ADK: variants seen among roughly 807,000 people sequenced by gnomAD.
The protein encoded by ADK is N6,N6-dimethyladenosine kinase.
Under a neutral mutation model 44.7 loss-of-function variants are expected in ADK, and 24 were observed. The ratio of observed to expected loss-of-function variants is 0.54; its 90% confidence interval spans 0.39 to 0.76. The LOEUF is 0.76. ADK is among the 30% of genes least tolerant of loss of function. The probability of loss-of-function intolerance (pLI) is 0.00; values close to 1 mark genes in which losing one functional copy is unlikely to be tolerated. For synonymous variants in ADK, 128 were observed against 142.6 expected, an observed-to-expected ratio of 0.90 and a Z score of 0.73; for missense variants, 321 against 425.1, an observed-to-expected ratio of 0.76 and a Z score of 2.15.
At chr10:74,448,100 G>C (rs766837116) in intron 6 of ADK, among the ~76,000 whole-genome samples, 5 of 152,144 alleles carry the variant, frequency 3.3e-5, no homozygotes, top group African/African-American at 1.2e-4. Context: ...TTGAACCCTG[G>C]AGGCAGAGGC....
chr10:74,583,817 C>CTT (rs1309550342), intron 7 of ADK, among the ~76,000 whole-genome samples: 5 of 152,172 alleles, frequency 3.3e-5, no homozygotes, highest in Non-Finnish European at 7.3e-5. Flanking sequence ...TCTCATAAGA[C>CTT]TTTTAATAAA....
intron 9 of ADK, 52 bp from the exon 10 acceptor site, chr10:74,670,131 A>G (rs375624888): frequency 8.2e-5 from 112 of 1,368,730 alleles, no homozygotes; most frequent in Non-Finnish European, 1.1e-4. Flanking sequence ...GTGAGCTTGT[A>G]TTGAGTGTTA....
chr10:74,669,999 A>C (rs957313471), intron 9 of ADK, among the ~76,000 whole-genome samples, 184 bp from the exon 10 acceptor site: 1 of 152,222 alleles, frequency 6.6e-6, no homozygotes, highest in Admixed American at 6.5e-5. Flanking sequence ...AAAGTTACCA[A>C]AAAAGTATTA....
chr10:74,687,133 A>G (rs1855825115), intron 10 of ADK, among the ~76,000 whole-genome samples: 1 of 152,004 alleles, frequency 6.6e-6, no homozygotes, highest in African/African-American at 2.4e-5. Flanking sequence ...ACATATTATA[A>G]GAGGGGTCTC....
intron 9 of ADK, among the ~76,000 whole-genome samples, chr10:74,649,481 C>T (rs981459832): frequency 1.3e-5 from 2 of 151,866 alleles, no homozygotes; most frequent in Non-Finnish European, 2.9e-5. Context: ...AACAATTAGC[C>T]AGGTATGATG....
At chr10:74,153,950 T>G (rs182731793) in intron 1 of ADK, among the ~76,000 whole-genome samples, 2 of 152,170 alleles carry the variant, frequency 1.3e-5, no homozygotes, top group East Asian at 3.9e-4. Context: ...TGGATATATA[T>G]AGAGAGAGAA....
intron 6 of ADK, among the ~76,000 whole-genome samples, chr10:74,502,939 C>G (rs1847931152): frequency 1.3e-5 from 2 of 152,132 alleles, no homozygotes; most frequent in South Asian, 4.1e-4. Flanking sequence ...TTTTCAATTT[C>G]TTTATGTAGT....
chr10:74,655,203 A>G, intron 9 of ADK: 1 of 328,490 alleles, frequency 3.0e-6, no homozygotes, highest in Non-Finnish European at 6.1e-6. Flanking sequence ...GAAACATGAA[A>G]GGGACAGAGA....
Position 74,248,220 on chromosome 10 carries a change from C to A in ADK, c.194+23629C>A, listed in dbSNP as rs372334959. 2.4e-3 allele frequency among the ~76,000 whole-genome samples: 359 copies of A among 152,164 alleles called. 1 individual carries two copies. The highest frequency in any genetic ancestry group is 7.6e-3 in the African/African-American group (317 of 41,526). ...AAAACTTTCTAGTAGTAAAGAAATA[C>A]AAAAATAGAATCAGCTTGTTTGGAA... is the stretch of plus-strand genomic sequence containing the variant. On this transcript the variant is annotated intron_variant, in intron 3 of 10. Coordinates refer to ENST00000539909, the MANE Select transcript of ADK (RefSeq NM_006721.4).
intron 1 of ADK, among the ~76,000 whole-genome samples, chr10:74,190,406 A>G (rs972499576): frequency 1.3e-5 from 2 of 152,172 alleles, no homozygotes; most frequent in African/African-American, 4.8e-5. Flanking sequence ...GTCTTTCTTG[A>G]GTATGCCCAT....
intron 7 of ADK, among the ~76,000 whole-genome samples, chr10:74,579,886 G>A (rs1464681728): frequency 6.6e-6 from 1 of 152,098 alleles, no homozygotes; most frequent in African/African-American, 2.4e-5. Context: ...ATAGTTTATA[G>A]CCCCAATAAT....
At chr10:74,565,436 C>A (rs530845701) in intron 7 of ADK, among the ~76,000 whole-genome samples, 62 of 152,144 alleles carry the variant, frequency 4.1e-4, no homozygotes, top group African/African-American at 1.5e-3. Context: ...AATAAAAAAA[C>A]CATAAACCTA....
At chr10:74,332,051 T>C (rs550619401) in intron 4 of ADK, among the ~76,000 whole-genome samples, 133 of 151,916 alleles carry the variant, frequency 8.8e-4, no homozygotes, top group African/African-American at 2.9e-3. Context: ...AGAGACAGAA[T>C]TTCACCCTGT....
intron 9 of ADK, among the ~76,000 whole-genome samples, chr10:74,635,183 A>G (rs1853583041): frequency 6.6e-6 from 1 of 152,238 alleles, no homozygotes; most frequent in South Asian, 2.1e-4. Context: ...AACCACACCT[A>G]AACATTTAAT....
intron 3 of ADK, among the ~76,000 whole-genome samples, chr10:74,273,562 A>G (rs1329323140): frequency 6.6e-6 from 1 of 151,944 alleles, no homozygotes. Context: ...AGTTCAAGCA[A>G]TTCTCCTGCC....
chr10:74,292,763 C>A (rs1245962829), intron 3 of ADK, among the ~76,000 whole-genome samples: 1 of 151,970 alleles, frequency 6.6e-6, no homozygotes, highest in Non-Finnish European at 1.5e-5. Context: ...ATCACTTATA[C>A]CATCTAAATC....
intron 6 of ADK, among the ~76,000 whole-genome samples, chr10:74,457,476 C>T (rs1324282118): frequency 6.6e-6 from 1 of 152,174 alleles, no homozygotes. Context: ...CCTCAAGGAA[C>T]TAGAACCAGA....
Position 74,211,515 on chromosome 10 carries a change from C to A in ADK, c.140+10677C>A, listed in dbSNP as rs542667228. Among the ~76,000 whole-genome samples the A allele has an allele frequency of 5.3e-5, 8 of 152,084 alleles. No individual in the cohort carries two copies. The East Asian group carries it at 1.2e-3, about 22-fold the overall frequency. ...GATCATTTGCTAAATCTGTTAGATT[C>A]AAAAATTCTAAAAGTAAATGCTTTT... On this transcript the variant is annotated intron_variant, in intron 2 of 10. Transcript: ENST00000539909.
Position 74,633,732 on chromosome 10 carries a change from T to A in ADK, c.877+33239T>A, listed in dbSNP as rs139224857. Among the ~76,000 whole-genome samples the A allele has an allele frequency of 8.1e-3, 1,240 of 152,206 alleles. 21 individuals are homozygous for A. Among genetic ancestry groups the A allele is most frequent in the African/African-American group, 0.028 (1,158 of 41,504 alleles). ...TGGAGACACTGGAGAAGAATGAAAA[T>A]CAGGCAGAAACTGAAGGAGAGTCTA... On this transcript the variant is annotated intron_variant, in intron 9 of 10. Transcript: ENST00000539909.
Sources: gnomAD v4.1 joint callset for allele counts (sites outside exome capture counted in the v4.1 genomes callset) on GRCh38, gnomAD v4.1.1 for gene constraint, MANE v1.5 for transcripts, NCBI Gene and HGNC (gene_info 2026-07-23, HGNC 2026-07-21) for gene names.